METTL25: variants seen among roughly 807,000 people sequenced by gnomAD.
METTL25 encodes probable methyltransferase-like protein 25.
METTL25 carries 64 observed loss-of-function variants against 71.6 expected under a neutral mutation model. The ratio of observed to expected loss-of-function variants is 0.89; its 90% CI spans 0.73 to 1.10. The LOEUF is 1.10. METTL25 is among the 50% of genes least tolerant of loss of function. The probability of loss-of-function intolerance (pLI) is 0.00; values close to 1 mark genes in which losing one functional copy is unlikely to be tolerated. For synonymous variants in METTL25, 287 were observed against 250.3 expected (o/e 1.15, Z -1.38); for missense variants, 807 against 707.0 (o/e 1.14, Z -1.60).
chr12:82,384,616 A>T (rs555675056), intron 1 of METTL25, among the ~76,000 whole-genome samples: 134 of 134,716 alleles, frequency 9.9e-4, no homozygotes, highest in Non-Finnish European at 1.3e-3. Context: ...ACCCTTTTTT[A>T]AAAAAAAATA....
At chr12:82,417,574 A>G (rs1268412998) in intron 5 of METTL25, among the ~76,000 whole-genome samples, 1 of 152,166 alleles carries the variant, frequency 6.6e-6, no homozygotes, top group East Asian at 1.9e-4. Context: ...AAGGATTCCA[A>G]CTGAATTTAA....
chr12:82,390,851 C>G (rs919918152), intron 3 of METTL25, among the ~76,000 whole-genome samples: 13 of 152,074 alleles, frequency 8.5e-5, no homozygotes, highest in South Asian at 6.2e-4. Context: ...CAAGCCCTCC[C>G]CCATGGTGCC....
chr12:82,384,380 T>G (rs956720733), intron 1 of METTL25, among the ~76,000 whole-genome samples: 30 of 150,406 alleles, frequency 2.0e-4, no homozygotes, highest in East Asian at 5.8e-4. Flanking sequence ...AACAGCTCTC[T>G]CTCTCTCTCT....
intron 7 of METTL25, among the ~76,000 whole-genome samples, chr12:82,435,888 T>A (rs1331688272): frequency 6.6e-6 from 1 of 151,434 alleles, no homozygotes. Flanking sequence ...TATTTAAAGA[T>A]CTTCTCATCA....
chr12:82,373,854 CTG>C (rs1883530755), intron 1 of METTL25, among the ~76,000 whole-genome samples: 1 of 152,196 alleles, frequency 6.6e-6, no homozygotes, highest in Non-Finnish European at 1.5e-5. Flanking sequence ...TGTCTTTAGT[CTG>C]GAGGTCATGC....
intron 3 of METTL25, among the ~76,000 whole-genome samples, chr12:82,390,414 T>G (rs956473177): frequency 9.2e-5 from 14 of 152,244 alleles, no homozygotes; most frequent in African/African-American, 3.4e-4. Flanking sequence ...AAAAATAGTT[T>G]TTATGGTAGA....
intron 1 of METTL25, among the ~76,000 whole-genome samples, chr12:82,386,383 A>G (rs993029661): frequency 1.3e-5 from 2 of 152,020 alleles, no homozygotes; most frequent in African/African-American, 4.8e-5. Flanking sequence ...CGTAAATTTA[A>G]TAAATACATC....
chr12:82,389,109 CAT>C (rs1417909012), intron 2 of METTL25, among the ~76,000 whole-genome samples: 7 of 152,046 alleles, frequency 4.6e-5, no homozygotes, highest in Admixed American at 2.0e-4. Flanking sequence ...ACTACCTTGT[CAT>C]ATGCTTTTTG....
At position 82,377,089 on chromosome 12, in the gene METTL25, G is replaced by T. The variant is rs146741145; in HGVS notation, c.260-9714G>T. Among the ~76,000 whole-genome samples, 1,493 of 151,814 alleles carry T rather than the reference G, an allele frequency of 9.8e-3. 24 individuals carry two copies. The highest frequency in any genetic ancestry group is 0.034 in the African/African-American group (1,407 of 41,394). ...GATCATGCCATTGCACTGCAGCCTG[G>T]GTGACAAGAGCAAGACTCTGTCTCA... is the stretch of plus-strand genomic sequence containing the variant. On this transcript the variant is annotated intron_variant, in intron 1 of 11. Coordinates refer to ENST00000248306, the MANE Select transcript of METTL25 (RefSeq NM_032230.3).
chr12:82,366,975 CT>C (rs1235617203), intron 1 of METTL25, among the ~76,000 whole-genome samples: 2 of 152,210 alleles, frequency 1.3e-5, no homozygotes, highest in Non-Finnish European at 1.5e-5. Context: ...GCAAACAAAT[CT>C]TTGAGAACCA....
intron 5 of METTL25, among the ~76,000 whole-genome samples, chr12:82,417,924 A>G (rs1355647329): frequency 6.6e-6 from 1 of 152,128 alleles, no homozygotes; most frequent in Non-Finnish European, 1.5e-5. Context: ...TTCCAGACAG[A>G]GGGAACAGCA....
intron 5 of METTL25, among the ~76,000 whole-genome samples, chr12:82,422,269 G>A (rs529386650): frequency 7.9e-5 from 12 of 151,946 alleles, no homozygotes; most frequent in Non-Finnish European, 1.6e-4. Flanking sequence ...ACGTAATCCG[G>A]CATATAAACA....
intron 1 of METTL25, among the ~76,000 whole-genome samples, chr12:82,375,407 T>C (rs2136885191): frequency 6.6e-6 from 1 of 151,510 alleles, no homozygotes; most frequent in East Asian, 2.0e-4. Context: ...GGCGATTGGT[T>C]TGTTCTTGGA....
intron 9 of METTL25, among the ~76,000 whole-genome samples, chr12:82,464,751 A>C (rs886805492): frequency 2.0e-5 from 3 of 151,654 alleles, no homozygotes; most frequent in African/African-American, 7.3e-5. Flanking sequence ...TGAGCATGGG[A>C]TGTTTCTCCA....
intron 1 of METTL25, among the ~76,000 whole-genome samples, chr12:82,370,515 C>T (rs1177599937): frequency 1.3e-5 from 2 of 152,082 alleles, no homozygotes; most frequent in Non-Finnish European, 2.9e-5. Context: ...ATACTTTTCC[C>T]CTAAGAAAGT....
chr12:82,438,975 C>G (rs183264415), intron 8 of METTL25, 184 bp downstream of exon 8: 9 of 379,444 alleles, frequency 2.4e-5, no homozygotes, highest in Admixed American at 2.3e-4. Context: ...AGTGGGGGCT[C>G]TAATGATTCC....
At chr12:82,361,982 CTGA>C (rs1245565938) in intron 1 of METTL25, among the ~76,000 whole-genome samples, 1 of 151,980 alleles carries the variant, frequency 6.6e-6, no homozygotes, top group Non-Finnish European at 1.5e-5. Context: ...CAGTCTTCTG[CTGA>C]TATTTTGTGA....
At chr12:82,463,094 T>C (rs1287960379) in intron 9 of METTL25, among the ~76,000 whole-genome samples, 3 of 152,036 alleles carry the variant, frequency 2.0e-5, no homozygotes, top group Admixed American at 6.6e-5. Context: ...GGATCCTCCT[T>C]CTAGCTATTT....
chr12:82,453,329 G>A (rs928594461), intron 8 of METTL25, among the ~76,000 whole-genome samples: 4 of 152,158 alleles, frequency 2.6e-5, no homozygotes, highest in Admixed American at 1.3e-4. Flanking sequence ...AATCTGTTTT[G>A]CTGTTTACCT....
Sources: gnomAD v4.1 joint callset for allele counts (sites outside exome capture counted in the v4.1 genomes callset) on GRCh38, gnomAD v4.1.1 for gene constraint, MANE v1.5 for transcripts, NCBI Gene and HGNC (gene_info 2026-07-23, HGNC 2026-07-21) for gene names.